The following MMP19 variants were observed in gnomAD, a reference collection of about 807,000 sequenced individuals.
MMP19 encodes the protein matrix metallopeptidase 19.
In MMP19, 47 loss-of-function variants were observed where a neutral mutation model predicts 46.6. The observed-to-expected ratio is 1.01, with a 90% confidence interval of 0.80 to 1.29. The LOEUF is 1.29. MMP19 is among the 50% of genes most tolerant of loss of function. The probability of loss-of-function intolerance (pLI) is 0.00; values close to 1 mark genes in which losing one functional copy is unlikely to be tolerated. For synonymous variants in MMP19, 222 were observed against 248.5 expected (o/e 0.89, Z 1.00); for missense variants, 589 against 643.5 (o/e 0.92, Z 0.92).
intron 1 of MMP19, 54 bp downstream of exon 1, chr12:55,842,690 G>A (rs953502085): frequency 2.8e-6 from 4 of 1,427,400 alleles, no homozygotes; most frequent in Non-Finnish European, 3.9e-6. Flanking sequence ...TGGGGCTGTG[G>A]AGCAGTAACC....
Position 55,838,696 on chromosome 12 carries a change from C to T in MMP19, c.805G>A (p.Glu269Lys), listed in dbSNP as rs1388621427. ...SPVIRDEEEE[E>K]TELPTVPPVP... is the part of the protein sequence containing the mutation. The stretch of plus-strand genomic sequence containing the variant: ...GGGGGCACAGTGGGCAGCTCTGTCT[C>T]TTCTTCTTCCTCATCCCTTATCACT... Residue 269 changes from glutamate (E) to lysine (K), a missense_variant, in exon 6 of 9, where the codon GAG (glutamate) becomes AAG (lysine). By Grantham distance (56) the Glu-to-Lys change is moderately conservative. Coordinates refer to ENST00000322569, the MANE Select transcript of MMP19 (RefSeq NM_002429.6). The T allele has an allele frequency of 2.5e-6, 4 of 1,610,934 alleles. No homozygotes were observed. The highest frequency in any genetic ancestry group is 2.5e-6 in the Non-Finnish European group (3 of 1,178,024).
intron 3 of MMP19, 78 bp from the exon 4 acceptor site, chr12:55,840,960 T>TCAA: frequency 1.3e-6 from 2 of 1,532,882 alleles, no homozygotes; most frequent in Non-Finnish European, 1.8e-6. Flanking sequence ...GTTTAGGCAC[T>TCAA]CAACCCCCAA....
intron 7 of MMP19, 45 bp from the exon 8 acceptor site, chr12:55,837,727 G>A (rs1881349103): frequency 3.1e-6 from 5 of 1,612,688 alleles, no homozygotes; most frequent in Non-Finnish European, 4.2e-6. Context: ...GTCCTCAGGT[G>A]ATAGCTTTTG....
chr12:55,840,956 G>C, intron 3 of MMP19, 74 bp from the exon 4 acceptor site: 1 of 1,529,616 alleles, frequency 6.5e-7, no homozygotes, highest in Non-Finnish European at 8.8e-7. Context: ...CTGGGTTTAG[G>C]CACTCAACCC....
At chr12:55,840,638 T>C in intron 4 of MMP19, 29 bp downstream of exon 4, 1 of 1,597,446 alleles carries the variant, frequency 6.3e-7, no homozygotes, top group Non-Finnish European at 8.6e-7. Context: ...CAGAGGTCTA[T>C]GAGGTGGGAA....
chr12:55,839,481 G>C lies in MMP19; in HGVS notation c.766+15C>G. 1 of 1,590,936 alleles carries C rather than the reference G, an allele frequency of 6.3e-7. No homozygotes were observed. Among genetic ancestry groups the C allele is most frequent in the Non-Finnish European group, 8.6e-7 (1 of 1,164,336 alleles). ...GTCAGACTGACCCTCCCCCTCACTAGGGGGAGGGACTGACCATAGAGAGCC... is the reference window on the plus strand; with the variant it reads ...GTCAGACTGACCCTCCCCCTCACTACGGGGAGGGACTGACCATAGAGAGCC... On this transcript the variant is annotated intron_variant, in intron 5 of 8. Coordinates refer to ENST00000322569, the MANE Select transcript of MMP19 (RefSeq NM_002429.6).
At position 55,840,656 on chromosome 12, in the gene MMP19, C is replaced by T. The variant is rs1310265761; in HGVS notation, c.520+11G>A. On this transcript the variant is annotated intron_variant, in intron 4 of 8. Coordinates refer to ENST00000322569, the MANE Select transcript of MMP19 (RefSeq NM_002429.6). ...AGGTCTATGAGGTGGGAACTGAGAA[C>T]TGTTGCCTACCAGGCCCATCAAAAG... 6.2e-7 allele frequency: 1 copy of T among 1,610,758 alleles called. No homozygotes were observed.
rs145869255 is a variant in MMP19 at position 55,840,853 on chromosome 12, G to A, written c.334C>T (p.Arg112Cys). The change falls in exon 4 of 9, where the codon CGC (arginine) becomes TGC (cysteine). Residue 112 changes from arginine to cysteine, a missense_variant. Arg to Cys is a radical substitution (Grantham distance 180). Coordinates refer to ENST00000322569, the MANE Select transcript of MMP19 (RefSeq NM_002429.6). The part of the protein sequence containing the change: ...GRWRKKHLTF[R>C]ILNLPSTLPP... ...AGGGTGGAGGGCAGGTTCAAGATGC[G>A]GAAAGTCAGGTGCTTCTTTCTCCAG... 6.4e-5 allele frequency: 102 copies of A among 1,592,406 alleles called. No individual in the cohort carries two copies. Among genetic ancestry groups the A allele is most frequent in the Admixed American group, 3.6e-4 (21 of 57,796 alleles).
chr12:55,842,238 A>G, intron 2 of MMP19, 115 bp downstream of exon 2: 2 of 819,694 alleles, frequency 2.4e-6, no homozygotes, highest in South Asian at 3.0e-5. Flanking sequence ...ACCCATCTCT[A>G]AATCCCTGGC....
At position 55,838,067 on chromosome 12, in the gene MMP19, G is replaced by A. The variant is rs772942806; in HGVS notation, c.896-60C>T. On this transcript the variant is annotated intron_variant, in intron 6 of 8. Coordinates refer to ENST00000322569, the MANE Select transcript of MMP19 (RefSeq NM_002429.6). Reference sequence around the variant, plus strand: ...CAGAGGTCAAGTAGACAGAAACTTGGGGGTATCTCAGGCTGACTAACAATT... The same window carrying A: ...CAGAGGTCAAGTAGACAGAAACTTGAGGGTATCTCAGGCTGACTAACAATT... 5 of 1,481,802 alleles carry A rather than the reference G, an allele frequency of 3.4e-6. No individual in the cohort carries two copies. In the African/African-American group the frequency reaches 4.2e-5, roughly 12 times the overall value. The allele number at this position is 1,481,802 out of a possible 1,614,324, so 91.8% of individuals were successfully genotyped here. A position where few individuals can be genotyped will look rare whatever the true frequency, so the allele number is the denominator to read the frequency against.
intron 2 of MMP19, 51 bp from the exon 3 acceptor site, chr12:55,841,287 C>T (rs768193191): frequency 1.9e-6 from 3 of 1,585,216 alleles, no homozygotes; most frequent in African/African-American, 1.3e-5. Context: ...TCTGAAATGA[C>T]TGGGAGATGA....
Position 55,837,061 on chromosome 12 carries a change from G to T in MMP19, c.1502C>A (p.Ala501Asp). Residue 501 changes from alanine to aspartate, a missense_variant, in exon 9 of 9, where the codon GCC (alanine) becomes GAC (aspartate). By Grantham distance (126) the Ala-to-Asp change is moderately radical (BLOSUM62 -2). Coordinates refer to ENST00000322569, the MANE Select transcript of MMP19 (RefSeq NM_002429.6). Reference sequence around the variant, plus strand: ...TCAGTATTCAAACGTGGTTTCTGTGGCTGAGAGAGTGGTATCCAAGGTTAT... The same window carrying T: ...TCAGTATTCAAACGTGGTTTCTGTGTCTGAGAGAGTGGTATCCAAGGTTAT... ...TGITLDTTLS[A>D]TETTFEY 1 of 1,578,414 alleles carries T rather than the reference G, an allele frequency of 6.3e-7. No individual in the cohort carries two copies. The highest frequency in any genetic ancestry group is 2.2e-5 in the East Asian group (1 of 44,472).
chr12:55,840,904 G>A (rs1413683028), intron 3 of MMP19, 22 bp from the exon 4 acceptor site: 1 of 1,554,806 alleles, frequency 6.4e-7, no homozygotes, highest in Admixed American at 1.9e-5. Flanking sequence ...CCAGAAAACA[G>A]ATTAGAAATA....
At chr12:55,839,842 C>T in intron 4 of MMP19, 101 bp from the exon 5 acceptor site, 3 of 1,407,254 alleles carry the variant, frequency 2.1e-6, no homozygotes, top group Non-Finnish European at 2.9e-6. Context: ...CTTTAAAATT[C>T]CCCCAGCTAT....
chr12:55,839,286 G>A (rs1204134997), intron 5 of MMP19, among the ~76,000 whole-genome samples: 1 of 150,150 alleles, frequency 6.7e-6, no homozygotes, highest in Non-Finnish European at 1.5e-5. Flanking sequence ...CCATCCCCAA[G>A]CATGGGTGTA....
chr12:55,837,940 G>C lies in MMP19; in HGVS notation c.963C>G (p.Gly321=). 1.2e-6 allele frequency: 2 copies of C among 1,612,790 alleles called. No individual in the cohort carries two copies. The highest frequency in any genetic ancestry group is 1.7e-6 in the Non-Finnish European group (2 of 1,178,924). ...AAAGGGCAGACACTCGGAACAAGGG[G>C]CCCGGTCCTGAATCTGATACAGTCC... is the stretch of plus-strand genomic sequence containing the variant. ...YVWTVSDSGP[G]PLFRVSALWE... is the part of the protein sequence containing the mutation. Residue 321 remains glycine (G), a synonymous_variant, in exon 7 of 9, where the codon GGC becomes GGG. Transcript: ENST00000322569.
chr12:55,842,782 A>G lies in MMP19; in HGVS notation c.49T>C (p.Ser17Pro), dbSNP rs1407355813. The G allele has an allele frequency of 6.2e-7, 1 of 1,607,636 alleles. No individual in the cohort carries two copies. Among genetic ancestry groups the G allele is most frequent in the South Asian group, 1.1e-5 (1 of 89,830 alleles). Residue 17 changes from serine (S) to proline (P), a missense_variant, in exon 1 of 9, where the codon TCA becomes CCA. Ser to Pro is a moderately conservative substitution (Grantham distance 74). Transcript: ENST00000322569. ...TCTGCAAGCCCCAGGACCCGGCCTG[A>G]GACTGTCATGGGGAGTAGGAAGCCC... ...WLGFLLPMTVSGRVLGLAEVA... is the reference protein window; with the variant it reads ...WLGFLLPMTVPGRVLGLAEVA...
At chr12:55,842,201 T>C in intron 2 of MMP19, 152 bp downstream of exon 2, 1 of 638,560 alleles carries the variant, frequency 1.6e-6, no homozygotes, top group Non-Finnish European at 2.8e-6. Flanking sequence ...TCTCACCCCA[T>C]GCCCCACCAC....
At chr12:55,837,787 T>C (rs1881355483) in intron 7 of MMP19, 56 bp downstream of exon 7, 3 of 1,594,036 alleles carry the variant, frequency 1.9e-6, no homozygotes, top group East Asian at 2.2e-5. Context: ...CTCCCTTTTA[T>C]AGTTTCTTTA....
Sources: gnomAD v4.1 joint callset for allele counts (sites outside exome capture counted in the v4.1 genomes callset) on GRCh38, gnomAD v4.1.1 for gene constraint, MANE v1.5 for transcripts, NCBI Gene and HGNC (gene_info 2026-07-23, HGNC 2026-07-21) for gene names.